The following MAGI1 variants were observed in gnomAD, a reference collection of about 807,000 sequenced individuals.
The protein encoded by MAGI1 is membrane-associated guanylate kinase, WW and PDZ domain-containing protein 1.
Under a neutral mutation model 139.9 loss-of-function variants are expected in MAGI1, and 58 were observed. The observed-to-expected ratio is 0.41, with a 90% confidence interval of 0.34 to 0.52. The LOEUF (loss-of-function observed/expected upper bound fraction) is 0.52. Among genes scored for constraint, MAGI1 ranks in the 20% least tolerant of loss-of-function variants. The pLI is 0.12. For missense variants in MAGI1, 1,874 were observed against 1,901.6 expected (o/e 0.99, Z 0.27); for synonymous variants, 812 against 737.9 (o/e 1.10, Z -1.63).
At chr3:65,541,875 C>G (rs2079243516) in intron 2 of MAGI1, among the ~76,000 whole-genome samples, 1 of 152,158 alleles carries the variant, frequency 6.6e-6, no homozygotes, top group Admixed American at 6.5e-5. Context: ...CAGGGATGCT[C>G]TCTCTCACCA....
At chr3:65,486,523 A>T (rs1951648366) in intron 3 of MAGI1, among the ~76,000 whole-genome samples, 1 of 152,214 alleles carries the variant, frequency 6.6e-6, no homozygotes, top group Non-Finnish European at 1.5e-5. Context: ...GGTTCAGCTG[A>T]TTTATTTTAA....
At chr3:65,444,784 G>A (rs762036307) in intron 7 of MAGI1, among the ~76,000 whole-genome samples, 11 of 152,050 alleles carry the variant, frequency 7.2e-5, no homozygotes, top group South Asian at 2.1e-4. Flanking sequence ...TGAAAAATGG[G>A]TCCAGTCAAC....
intron 1 of MAGI1, among the ~76,000 whole-genome samples, chr3:65,684,001 C>CAA (rs1235259524): frequency 9.8e-4 from 85 of 86,758 alleles, no homozygotes; most frequent in East Asian, 4.8e-3. Flanking sequence ...CCCATGTCTA[C>CAA]AAAAAAAAAA....
Position 65,364,865 on chromosome 3 carries a change from G to C in MAGI1, c.3278C>G (p.Thr1093Ser). 1 of 1,613,954 alleles carries C rather than the reference G, an allele frequency of 6.2e-7. No individual in the cohort carries two copies. The highest frequency in any genetic ancestry group is 8.5e-7 in the Non-Finnish European group (1 of 1,179,908). ...TTTHTPSQQG[T>S]QETRNTTKPK... ...AGTCATGTCTGACCTTGTCTCCTGG[G>C]TCCCTTGCTGAGAAGGGGTGTGTGT... Residue 1093 changes from threonine (T) to serine (S), a missense_variant, in exon 19 of 23, where the codon ACC becomes AGC. This residue lies in a region of MAGI1 where 653 missense variants were observed against 644.5 expected (regional missense o/e 1.01). Transcript: ENST00000402939.
intron 12 of MAGI1, among the ~76,000 whole-genome samples, chr3:65,410,784 G>A (rs532340204): frequency 6.8e-6 from 1 of 147,310 alleles, no homozygotes; most frequent in Non-Finnish European, 1.5e-5. Flanking sequence ...GGCTACACAT[G>A]CTAAAAATAC....
chr3:65,797,894 T>C (rs2040250288), intron 1 of MAGI1, among the ~76,000 whole-genome samples: 1 of 152,224 alleles, frequency 6.6e-6, no homozygotes, highest in Non-Finnish European at 1.5e-5. Flanking sequence ...AATCTAAGCG[T>C]AACCTTGGAT....
chr3:65,742,272 T>C (rs542372072), intron 1 of MAGI1, among the ~76,000 whole-genome samples: 4 of 152,310 alleles, frequency 2.6e-5, no homozygotes, highest in African/African-American at 9.6e-5. Flanking sequence ...TACATCATTA[T>C]TTCATTAATT....
chr3:65,776,342 T>G (rs1399186899), intron 1 of MAGI1, among the ~76,000 whole-genome samples: 1 of 151,220 alleles, frequency 6.6e-6, no homozygotes, highest in Non-Finnish European at 1.5e-5. Flanking sequence ...CAAATATTAA[T>G]GTCAAAAAAA....
At chr3:65,857,177 C>T (rs2059401561) in intron 1 of MAGI1, among the ~76,000 whole-genome samples, 2 of 149,640 alleles carry the variant, frequency 1.3e-5, no homozygotes, top group Admixed American at 6.7e-5. Context: ...TGGTCAGAAG[C>T]ATTTAGAACA....
At chr3:65,496,478 T>C (rs1424720882) in intron 2 of MAGI1, among the ~76,000 whole-genome samples, 1 of 152,192 alleles carries the variant, frequency 6.6e-6, no homozygotes, top group Non-Finnish European at 1.5e-5. Context: ...AATCAAGATA[T>C]GGACTAGAAT....
chr3:65,939,316 T>C (rs942358714), intron 1 of MAGI1, among the ~76,000 whole-genome samples: 1 of 152,206 alleles, frequency 6.6e-6, no homozygotes, highest in African/African-American at 2.4e-5. Flanking sequence ...TTAGTCCTCA[T>C]TATTAAAAAA....
At chr3:65,546,975 G>A (rs757962173) in intron 2 of MAGI1, among the ~76,000 whole-genome samples, 10 of 152,226 alleles carry the variant, frequency 6.6e-5, no homozygotes, top group Non-Finnish European at 1.5e-4. Context: ...GCATACATGT[G>A]AGGATGCATG....
At chr3:65,372,662 A>AATCTG (rs1212451469) in intron 18 of MAGI1, among the ~76,000 whole-genome samples, 2 of 152,172 alleles carry the variant, frequency 1.3e-5, no homozygotes, top group Non-Finnish European at 1.5e-5. Context: ...CTACACTGAA[A>AATCTG]ATCTGTCATT....
In MAGI1 at chr3:65,354,678, T is replaced by C. The variant is rs1215983858; in HGVS notation, c.*1700A>G. ...TTTTAAAACAACTTTACATACCTGATTTAGTTTACATTAAAATATATCCCC... is the reference window on the plus strand; with the variant it reads ...TTTTAAAACAACTTTACATACCTGACTTAGTTTACATTAAAATATATCCCC... On this transcript the variant is annotated 3_prime_UTR_variant, in exon 23 of 23. Coordinates refer to ENST00000402939, the MANE Select transcript of MAGI1 (RefSeq NM_001033057.2). The C allele has an allele frequency of 1.3e-5, 2 of 152,762 alleles. No individual in the cohort carries two copies. Among genetic ancestry groups the C allele is most frequent in the African/African-American group, 4.8e-5 (2 of 41,564 alleles). The allele number at this position is 152,762 out of a possible 1,614,324, so 9.5% of individuals were successfully genotyped here. A position where few individuals can be genotyped will look rare whatever the true frequency, so the allele number is the denominator to read the frequency against.
intron 1 of MAGI1, among the ~76,000 whole-genome samples, chr3:65,820,073 G>C (rs919981733): frequency 1.3e-5 from 2 of 151,772 alleles, no homozygotes; most frequent in African/African-American, 4.8e-5. Flanking sequence ...TTAATCAGTT[G>C]ATTGACCTTT....
At chr3:65,800,913 A>G (rs2040473647) in intron 1 of MAGI1, among the ~76,000 whole-genome samples, 1 of 152,188 alleles carries the variant, frequency 6.6e-6, no homozygotes, top group Non-Finnish European at 1.5e-5. Flanking sequence ...AAGTAATAGT[A>G]AAAACCGCAG....
chr3:66,001,470 A>G (rs1023054733), intron 1 of MAGI1, among the ~76,000 whole-genome samples: 1 of 152,210 alleles, frequency 6.6e-6, no homozygotes, highest in Non-Finnish European at 1.5e-5. Context: ...AAAGAGTATC[A>G]GCCTCACAGG....
intron 1 of MAGI1, chr3:65,844,370 C>A: frequency 3.0e-6 from 1 of 333,850 alleles, no homozygotes; most frequent in Non-Finnish European, 5.8e-6. Context: ...GTTCCTAAAG[C>A]AGAACAGAAA....
At chr3:65,692,559 T>A (rs547601634) in intron 1 of MAGI1, among the ~76,000 whole-genome samples, 19 of 152,288 alleles carry the variant, frequency 1.2e-4, no homozygotes, top group Non-Finnish European at 2.5e-4. Flanking sequence ...ATCATCATCA[T>A]CACCATCCCC....
Sources: gnomAD v4.1 joint callset for allele counts (sites outside exome capture counted in the v4.1 genomes callset) on GRCh38, gnomAD v4.1.1 for gene constraint, gnomAD v4.1.1 regional missense constraint, MANE v1.5 for transcripts, NCBI Gene and HGNC (gene_info 2026-07-23, HGNC 2026-07-21) for gene names.